C1QL1: variants seen among roughly 807,000 people sequenced by gnomAD.
The protein encoded by C1QL1 is C1q-related factor.
Under a neutral mutation model 14.2 loss-of-function variants are expected in C1QL1, and 15 were observed. That is an observed-to-expected ratio of 1.06 (90% confidence interval 0.71 to 1.62). The LOEUF is 1.62. Ranked by LOEUF, C1QL1 falls within the 40% of genes most tolerant of loss-of-function variation. The pLI, the probability that C1QL1 is intolerant of heterozygous loss-of-function variation, is 0.00. For missense variants in C1QL1, 346 were observed against 380.3 expected (o/e 0.91, Z 0.75); for synonymous variants, 172 against 172.4 (o/e 1.00, Z 0.02).
rs1407699688 is a variant in C1QL1, at chr17:44,960,174, G to A, written c.*14C>T. The A allele has an allele frequency of 1.2e-6, 2 of 1,612,824 alleles. No individual in the cohort carries two copies. The highest frequency in any genetic ancestry group is 2.2e-5 in the East Asian group (1 of 44,844). ...GGCGGGTGAGGGACGTGGGTGGAGG[G>A]AGACGTGGGGAGCTCAGTCGGAGTA... is the stretch of plus-strand genomic sequence containing the variant. On this transcript the variant is annotated 3_prime_UTR_variant, in exon 2 of 2. Transcript: ENST00000253407.
At position 44,967,492 on chromosome 17, in the gene C1QL1, TCGC is replaced by T; in HGVS notation, c.554_556del (p.Gly185del). 3.1e-6 allele frequency: 5 copies of T among 1,613,886 alleles called. No homozygotes were observed. Among genetic ancestry groups the T allele is most frequent in the Non-Finnish European group, 4.2e-6 (5 of 1,179,906 alleles). ...GAGGTCTGCCCACATACTGGTGCCGTCGCCGCCGCGCATGAGGACATGGTAGGT... is the reference window on the plus strand; with the variant it reads ...GAGGTCTGCCCACATACTGGTGCCGTCGCCGCGCATGAGGACATGGTAGGT... On this transcript the variant is annotated inframe_deletion, in exon 1 of 2. Coordinates refer to ENST00000253407, the MANE Select transcript of C1QL1 (RefSeq NM_006688.5). The surrounding 1 kb of genome is among the most constrained non-coding windows in gnomAD (Gnocchi z 7.0).
intron 1 of C1QL1, among the ~76,000 whole-genome samples, chr17:44,965,722 G>C (rs578182761): frequency 6.6e-6 from 1 of 152,336 alleles, no homozygotes; most frequent in South Asian, 2.1e-4. Context: ...GGGACCTGCT[G>C]GGACTTCCTG....
chr17:44,966,238 C>T (rs758181349), intron 1 of C1QL1, among the ~76,000 whole-genome samples: 11 of 152,202 alleles, frequency 7.2e-5, no homozygotes, highest in Non-Finnish European at 1.3e-4. Context: ...TTATAAGCAC[C>T]TGGCAGGCTA....
At chr17:44,962,339 C>A (rs2052633159) in intron 1 of C1QL1, among the ~76,000 whole-genome samples, 2 of 152,202 alleles carry the variant, frequency 1.3e-5, no homozygotes, top group African/African-American at 4.8e-5. Flanking sequence ...GAGGGCCTCC[C>A]TTTAAAGCCC....
chr17:44,967,991 CT>C lies in C1QL1; in HGVS notation c.57del (p.Gly20AlafsTer33). 1 of 1,385,802 alleles carries C rather than the reference CT, an allele frequency of 7.2e-7. No homozygotes were observed. The highest frequency in any genetic ancestry group is 9.4e-7 in the Non-Finnish European group (1 of 1,066,260). 85.8% of individuals were successfully genotyped at this position (1,385,802 alleles called of 1,614,324 possible). ...CAGGTGCCCAGCATCTCATAGTGGCCTTCCGGGCCGCCCGAGCTCACCAGCA... is the reference window on the plus strand; with the variant it reads ...CAGGTGCCCAGCATCTCATAGTGGCCTCCGGGCCGCCCGAGCTCACCAGCA... ...IPVLVSSGGP[E>X]GHYEMLGTCR... On this transcript the variant is annotated frameshift_variant, in exon 1 of 2. Transcript: ENST00000253407. LOFTEE classifies it high-confidence loss of function. The surrounding 1 kb of genome is among the most constrained non-coding windows in gnomAD (Gnocchi z 7.0).
rs1597908610 is a variant in C1QL1 at position 44,960,376 on chromosome 17, G to A, written c.598-9C>T. The A allele has an allele frequency of 6.2e-7, 1 of 1,609,174 alleles. No individual in the cohort carries two copies. The highest frequency in any genetic ancestry group is 2.2e-5 in the East Asian group (1 of 44,808). ...ATAGCACTGGCCCGCACCTGCGGGT[G>A]GGGGACACGGGAGGGAGGGCGAGAG... On this transcript the variant is annotated splice_polypyrimidine_tract_variant and intron_variant, in intron 1 of 1. Coordinates refer to ENST00000253407, the MANE Select transcript of C1QL1 (RefSeq NM_006688.5).
chr17:44,966,188 G>C (rs547721519), intron 1 of C1QL1, among the ~76,000 whole-genome samples: 1 of 152,190 alleles, frequency 6.6e-6, no homozygotes, highest in Admixed American at 6.5e-5. Flanking sequence ...AGGTGTTGGC[G>C]GGGCAGCAGC....
intron 1 of C1QL1, among the ~76,000 whole-genome samples, chr17:44,965,560 C>G (rs2052653475): frequency 6.6e-6 from 1 of 152,218 alleles, no homozygotes; most frequent in South Asian, 2.1e-4. Flanking sequence ...GGTCCCATCT[C>G]CAGTGAGCAC....
At chr17:44,965,474 G>A (rs1169731715) in intron 1 of C1QL1, among the ~76,000 whole-genome samples, 1 of 152,148 alleles carries the variant, frequency 6.6e-6, no homozygotes, top group Non-Finnish European at 1.5e-5. Flanking sequence ...TGAGGGGGCT[G>A]GTCTGAATAA....
Position 44,959,695 on chromosome 17 carries a change from C to A in C1QL1, c.*493G>T, listed in dbSNP as rs548546600. 1 of 156,842 alleles carries A rather than the reference C, an allele frequency of 6.4e-6. No homozygotes were observed. Among genetic ancestry groups the A allele is most frequent in the African/African-American group, 2.4e-5 (1 of 41,488 alleles). 9.7% of individuals were successfully genotyped at this position (156,842 alleles called of 1,614,324 possible). On this transcript the variant is annotated 3_prime_UTR_variant, in exon 2 of 2. Transcript: ENST00000253407. ...CCCAGGGCACAGACTGAAACCCCTG[C>A]GGGGTGAAAATGTTTTTATTATAAC...
rs1481523023 is a variant in C1QL1, at chr17:44,967,186, G to GT, written c.597+265dup. Among the ~76,000 whole-genome samples the GT allele has an allele frequency of 2.0e-5, 3 of 152,260 alleles. No individual in the cohort carries two copies. The highest frequency in any genetic ancestry group is 7.2e-5 in the African/African-American group (3 of 41,474). On this transcript the variant is annotated intron_variant, in intron 1 of 1. Transcript: ENST00000253407. The surrounding 1 kb of genome is among the most constrained non-coding windows in gnomAD (Gnocchi z 7.0). ...ACCTGGGAGCCCTGCGCTCTGACTA[G>GT]TTGGGTTCATTTCCCGCATTTCCAG...
In C1QL1 at chr17:44,967,990, C is replaced by G; in HGVS notation, c.59G>C (p.Gly20Ala). The G allele has an allele frequency of 7.2e-7, 1 of 1,384,022 alleles. No homozygotes were observed. The highest frequency in any genetic ancestry group is 1.7e-5 in the South Asian group (1 of 60,460). The allele number at this position is 1,384,022 out of a possible 1,614,324, so 85.7% of individuals were successfully genotyped here. The change falls in exon 1 of 2, where the codon GGC becomes GCC. Residue 20 changes from glycine (G) to alanine (A), a missense_variant. Transcript: ENST00000253407. This position sits in a 1 kb window ranked among gnomAD's most constrained non-coding sequence, Gnocchi z 7.0. ...GCAGGTGCCCAGCATCTCATAGTGG[C>G]CTTCCGGGCCGCCCGAGCTCACCAG... The part of the protein sequence containing the change: ...PVLVSSGGPE[G>A]HYEMLGTCRM...
At position 44,965,170 on chromosome 17, in the gene C1QL1, G is replaced by A. The variant is rs796718774; in HGVS notation, c.597+2282C>T. 3.9e-4 allele frequency among the ~76,000 whole-genome samples: 60 copies of A among 152,246 alleles called. 3 individuals are homozygous for A. The highest frequency in any genetic ancestry group is 7.7e-4 in the African/African-American group (32 of 41,552). ...TGGGACTACAGGTGCCTGCCACCAC[G>A]CCCAGCTAATTTTTTGTATTTTTAG... On this transcript the variant is annotated intron_variant, in intron 1 of 1. Coordinates refer to ENST00000253407, the MANE Select transcript of C1QL1 (RefSeq NM_006688.5).
At chr17:44,961,591 C>CAAAAA (rs11447802) in intron 1 of C1QL1, among the ~76,000 whole-genome samples, 2 of 127,770 alleles carry the variant, frequency 1.6e-5, no homozygotes, top group African/African-American at 5.8e-5. Flanking sequence ...GACTCAGTCT[C>CAAAAA]AAAAAAAAAA....
rs1350552126 is a variant in C1QL1, at chr17:44,968,065, G to A, written c.-17C>T. 2 of 1,292,390 alleles carry A rather than the reference G, an allele frequency of 1.5e-6. No individual in the cohort carries two copies. Among genetic ancestry groups the A allele is most frequent in the South Asian group, 2.5e-5 (1 of 39,762 alleles). 80.1% of individuals were successfully genotyped at this position (1,292,390 alleles called of 1,614,324 possible). On this transcript the variant is annotated 5_prime_UTR_variant, in exon 1 of 2. Transcript: ENST00000253407. ...CAGCAGCATCACCACACCCGCGGCG[G>A]CCGCTAGCAGCGTCTTTCGGCCCGC...
chr17:44,967,898 C>T lies in C1QL1; in HGVS notation c.151G>A (p.Ala51Thr), dbSNP rs2052666977. The change falls in exon 1 of 2, where the codon GCC becomes ACC. Residue 51 changes from alanine to threonine, a missense_variant. Coordinates refer to ENST00000253407, the MANE Select transcript of C1QL1 (RefSeq NM_006688.5). The surrounding 1 kb of genome is among the most constrained non-coding windows in gnomAD (Gnocchi z 7.0). Reference protein sequence around the residue: ...GAGARTDGGDALSEQSGAPPP... With the variant: ...GAGARTDGGDTLSEQSGAPPP... ...GGCGCGCCGCTCTGCTCGCTCAGGGCGTCGCCGCCGTCGGTCCGCGCGCCG... is the reference window on the plus strand; with the variant it reads ...GGCGCGCCGCTCTGCTCGCTCAGGGTGTCGCCGCCGTCGGTCCGCGCGCCG... 4 of 1,243,648 alleles carry T rather than the reference C, an allele frequency of 3.2e-6. No homozygotes were observed. The African/African-American group carries it at 6.3e-5, about 20-fold the overall frequency. The allele number at this position is 1,243,648 out of a possible 1,614,324, so 77.0% of individuals were successfully genotyped here.
At position 44,961,099 on chromosome 17, in the gene C1QL1, G is replaced by A. The variant is rs116322665; in HGVS notation, c.598-732C>T. On this transcript the variant is annotated intron_variant, in intron 1 of 1. Transcript: ENST00000253407. ...GTAGCTCCTCCTGTCTCACCTCAGGGTGGTAGAAAGGAACTGGGTGGGAAG... is the reference window on the plus strand; with the variant it reads ...GTAGCTCCTCCTGTCTCACCTCAGGATGGTAGAAAGGAACTGGGTGGGAAG... 4.9e-3 allele frequency among the ~76,000 whole-genome samples: 741 copies of A among 152,332 alleles called. 8 individuals carry two copies. The highest frequency in any genetic ancestry group is 0.017 in the African/African-American group (706 of 41,566).
Position 44,968,007 on chromosome 17 carries a change from G to A in C1QL1, c.42C>T (p.Ser14=). 2.2e-6 allele frequency: 3 copies of A among 1,389,844 alleles called. No individual in the cohort carries two copies. The highest frequency in any genetic ancestry group is 2.8e-6 in the Non-Finnish European group (3 of 1,067,686). 86.1% of individuals were successfully genotyped at this position (1,389,844 alleles called of 1,614,324 possible). A position where few individuals can be genotyped will look rare whatever the true frequency, so the allele number is the denominator to read the frequency against. ...CATAGTGGCCTTCCGGGCCGCCCGA[G>A]CTCACCAGCACGGGGATGAGCACCA... ...VLVVLIPVLV[S]SGGPEGHYEM... is the part of the protein sequence containing the mutation. The change falls in exon 1 of 2, where the codon AGC becomes AGT. Residue 14 remains serine, a synonymous_variant. Transcript: ENST00000253407.
At chr17:44,966,804 C>A (rs2076608878) in intron 1 of C1QL1, among the ~76,000 whole-genome samples, 1 of 139,066 alleles carries the variant, frequency 7.2e-6, no homozygotes, top group Admixed American at 7.2e-5. Context: ...AAAAACTCCC[C>A]CGCCCCCCAG....
Sources: gnomAD v4.1 joint callset for allele counts (sites outside exome capture counted in the v4.1 genomes callset) on GRCh38, gnomAD v4.1.1 for gene constraint, Gnocchi (gnomAD v3.1) non-coding constraint, MANE v1.5 for transcripts, NCBI Gene and HGNC (gene_info 2026-07-23, HGNC 2026-07-21) for gene names.